The following RABGAP1L variants were observed in gnomAD, a reference collection of about 807,000 sequenced individuals.
The protein encoded by RABGAP1L is RAB GTPase activating protein 1 like, also known as rab GTPase-activating protein 1-like.
RABGAP1L carries 63 observed loss-of-function variants against 137.7 expected under a neutral mutation model. That is an observed-to-expected ratio of 0.46 (90% CI 0.37 to 0.56). RABGAP1L has a LOEUF of 0.56. RABGAP1L is among the 20% of genes least tolerant of loss of function. The probability of loss-of-function intolerance (pLI) is 0.00; values close to 1 mark genes in which losing one functional copy is unlikely to be tolerated. For synonymous variants in RABGAP1L, 431 were observed against 433.7 expected, an observed-to-expected ratio of 0.99 and a Z score of 0.08; for missense variants, 1,095 against 1,244.0, an observed-to-expected ratio of 0.88 and a Z score of 1.80.
intron 1 of RABGAP1L, among the ~76,000 whole-genome samples, chr1:174,169,414 T>G (rs1360221976): frequency 6.6e-6 from 1 of 151,932 alleles, no homozygotes; most frequent in Non-Finnish European, 1.5e-5. Context: ...TTTAGTAGTA[T>G]TTTCACTATG....
intron 19 of RABGAP1L, among the ~76,000 whole-genome samples, chr1:174,820,410 C>T (rs763426584): frequency 6.6e-6 from 1 of 152,268 alleles, no homozygotes; most frequent in Non-Finnish European, 1.5e-5. Context: ...TTAACCGCCC[C>T]ACTCAATTTC....
intron 11 of RABGAP1L, among the ~76,000 whole-genome samples, chr1:174,319,505 C>T (rs1216475960): frequency 6.6e-6 from 1 of 152,088 alleles, no homozygotes; most frequent in African/African-American, 2.4e-5. Flanking sequence ...AGTTTTATTT[C>T]TTCCTTCTCA....
At chr1:174,547,882 G>A (rs1364316071) in intron 13 of RABGAP1L, 1 of 1,545,884 alleles carries the variant, frequency 6.5e-7, no homozygotes, top group Non-Finnish European at 8.7e-7. Flanking sequence ...TATTCACCTA[G>A]TTAAATATGA....
chr1:174,978,659 T>C (rs1230011322), intron 22 of RABGAP1L, 148 bp from the exon 23 acceptor site: 37 of 986,166 alleles, frequency 3.8e-5, no homozygotes, highest in Non-Finnish European at 1.4e-6. Flanking sequence ...TTTCAGATTA[T>C]CAAGATGCAG....
intron 21 of RABGAP1L, among the ~76,000 whole-genome samples, chr1:174,973,990 T>G (rs1014576894): frequency 2.7e-4 from 38 of 139,920 alleles, no homozygotes; most frequent in East Asian, 8.4e-4. Context: ...TTTTTTTTTT[T>G]TTTTTTTTTT....
At chr1:174,463,215 A>G (rs1413173411) in intron 13 of RABGAP1L, among the ~76,000 whole-genome samples, 2 of 152,186 alleles carry the variant, frequency 1.3e-5, no homozygotes, top group South Asian at 2.1e-4. Context: ...GTGCACACGT[A>G]TGTTTATTGC....
At chr1:174,797,553 A>T in intron 18 of RABGAP1L, among the ~76,000 whole-genome samples, 1 of 36,540 alleles carries the variant, frequency 2.7e-5, no homozygotes, top group Admixed American at 4.4e-4. Flanking sequence ...GGGTGTGTGC[A>T]GGAGGGTGTG....
intron 13 of RABGAP1L, among the ~76,000 whole-genome samples, chr1:174,481,881 T>TAA (rs1166772879): frequency 1.7e-5 from 1 of 59,746 alleles, no homozygotes; most frequent in Non-Finnish European, 4.1e-5. Context: ...TAATAAAAAA[T>TAA]AAAAAAAAAA....
chr1:174,881,952 C>A lies in RABGAP1L; in HGVS notation c.2340+69992C>A, dbSNP rs535115185. On this transcript the variant is annotated intron_variant, in intron 19 of 25. Transcript: ENST00000681986. ...TCTCAGCTCACCGCTATCTCTGCCT[C>A]CCGGGTCCAAGAGATTCTCTTGCCT... Among the ~76,000 whole-genome samples, 108 of 152,228 alleles carry A rather than the reference C, an allele frequency of 7.1e-4. 1 individual carries two copies. The highest frequency in any genetic ancestry group is 3.4e-3 in the Middle Eastern group (1 of 294).
chr1:174,407,708 G>C (rs1649437697), intron 13 of RABGAP1L, among the ~76,000 whole-genome samples: 1 of 152,092 alleles, frequency 6.6e-6, no homozygotes, highest in Non-Finnish European at 1.5e-5. Context: ...ACTTCAGTGT[G>C]TGGTACTTAT....
chr1:174,817,466 A>G (rs1262393580), intron 19 of RABGAP1L, among the ~76,000 whole-genome samples: 1 of 152,148 alleles, frequency 6.6e-6, no homozygotes, highest in Non-Finnish European at 1.5e-5. Context: ...AAAAATATGG[A>G]GTTGCCCAAG....
rs112757898 is a variant in RABGAP1L at position 174,951,681 on chromosome 1, C to T, written c.2341-5776C>T. On this transcript the variant is annotated intron_variant, in intron 19 of 25. Transcript: ENST00000681986. ...CAAACCTACCAGCCCCCAACATCCA[C>T]ACCTGGTTTAGAAAGGTTTGTAGGC... Among the ~76,000 whole-genome samples, 194 of 152,286 alleles carry T rather than the reference C, an allele frequency of 1.3e-3. 1 individual carries two copies. Among genetic ancestry groups the T allele is most frequent in the African/African-American group, 4.5e-3 (189 of 41,566 alleles).
intron 13 of RABGAP1L, among the ~76,000 whole-genome samples, chr1:174,482,564 C>T (rs1393726376): frequency 1.3e-5 from 2 of 152,200 alleles, no homozygotes; most frequent in Non-Finnish European, 2.9e-5. Context: ...AATCTGGGCT[C>T]ACTGCAGCCT....
At chr1:174,219,029 C>T (rs1302569176) in intron 1 of RABGAP1L, 96 bp from the exon 2 acceptor site, 14 of 984,800 alleles carry the variant, frequency 1.4e-5, no homozygotes, top group Non-Finnish European at 2.1e-5. Context: ...TTCTTCTTCA[C>T]ATAAACCATT....
chr1:174,654,105 C>T (rs776185652), intron 14 of RABGAP1L, among the ~76,000 whole-genome samples: 3 of 152,190 alleles, frequency 2.0e-5, no homozygotes, highest in Non-Finnish European at 4.4e-5. Context: ...TAGTTTGTTT[C>T]TAAGGAACAT....
chr1:174,762,807 CTTTTTTTTTT>C (rs71563260), intron 18 of RABGAP1L, among the ~76,000 whole-genome samples: 4 of 81,828 alleles, frequency 4.9e-5, no homozygotes, highest in South Asian at 4.8e-4. Flanking sequence ...GTCTCCTTTG[CTTTTTTTTTT>C]TTTTTTTTTT....
At chr1:174,701,540 G>A (rs1285684933) in intron 16 of RABGAP1L, among the ~76,000 whole-genome samples, 12 of 152,004 alleles carry the variant, frequency 7.9e-5, no homozygotes, top group Non-Finnish European at 1.6e-4. Flanking sequence ...TCAGGAGTTC[G>A]AGACCAGCCA....
intron 15 of RABGAP1L, among the ~76,000 whole-genome samples, chr1:174,690,167 A>G (rs1678773887): frequency 6.6e-6 from 1 of 152,180 alleles, no homozygotes; most frequent in African/African-American, 2.4e-5. Context: ...AGGATACTGA[A>G]AAGTACAACT....
intron 13 of RABGAP1L, among the ~76,000 whole-genome samples, chr1:174,471,789 T>C (rs1396435721): frequency 6.6e-6 from 1 of 152,190 alleles, no homozygotes; most frequent in Non-Finnish European, 1.5e-5. Flanking sequence ...TGTTATGGAC[T>C]GAATGCATGT....
Sources: allele counts gnomAD v4.1 joint callset (sites outside exome capture counted in the v4.1 genomes callset), GRCh38; gene constraint gnomAD v4.1.1; transcripts MANE v1.5; gene names NCBI Gene and HGNC (gene_info 2026-07-23, HGNC 2026-07-21).